Variants in MYO16 observed in about 807,000 individuals in gnomAD.
MYO16 encodes the protein myosin XVI, also known as unconventional myosin-XVI.
In MYO16, 94 loss-of-function variants were observed where a neutral mutation model predicts 205.3. The observed-to-expected ratio is 0.46, with a 90% confidence interval of 0.39 to 0.54. The LOEUF is 0.54. MYO16 is among the 20% of genes least tolerant of loss of function. The pLI is 0.00. For synonymous variants in MYO16, 988 were observed against 954.0 expected (o/e 1.04, Z -0.66); for missense variants, 2,315 against 2,387.5 (o/e 0.97, Z 0.63).
chr13:109,030,168 C>A (rs373252306), intron 23 of MYO16, among the ~76,000 whole-genome samples: 389 of 143,950 alleles, frequency 2.7e-3, no homozygotes, highest in South Asian at 4.1e-3. Context: ...AGAAGGAAAG[C>A]AAAAAAAAAA....
chr13:109,096,746 T>C (rs1566504226), intron 27 of MYO16, among the ~76,000 whole-genome samples: 1 of 140,176 alleles, frequency 7.1e-6, no homozygotes, highest in African/African-American at 2.7e-5. Flanking sequence ...CCCCTTACTC[T>C]GGGCGAGCTC....
At chr13:108,905,716 A>G (rs1005152697) in intron 15 of MYO16, among the ~76,000 whole-genome samples, 10 of 152,152 alleles carry the variant, frequency 6.6e-5, no homozygotes, top group African/African-American at 1.2e-4. Flanking sequence ...GGGTTAGGGG[A>G]TGGTTTCTTT....
intron 20 of MYO16, among the ~76,000 whole-genome samples, chr13:108,983,816 G>A (rs1884534619): frequency 6.6e-6 from 1 of 152,110 alleles, no homozygotes; most frequent in South Asian, 2.1e-4. Flanking sequence ...GAAATTGTGA[G>A]GAAGTGCCCA....
intron 1 of MYO16, among the ~76,000 whole-genome samples, chr13:108,653,804 T>C (rs541408264): frequency 2.0e-5 from 3 of 149,836 alleles, no homozygotes; most frequent in African/African-American, 4.9e-5. Flanking sequence ...TATGTGTGTA[T>C]ATATATATAT....
chr13:109,141,346 G>C lies in MYO16; in HGVS notation c.5134G>C (p.Ala1712Pro), dbSNP rs576329047. 1.9e-6 allele frequency: 3 copies of C among 1,548,238 alleles called. No individual in the cohort carries two copies. The highest frequency in any genetic ancestry group is 2.4e-5 in the South Asian group (2 of 83,180). Reference sequence around the variant, plus strand: ...GGGGAGGAGTGTGCTTCGGAAATCCGCGGCGGGAAGAAAAATCAGGGAAGC... The same window carrying C: ...GGGGAGGAGTGTGCTTCGGAAATCCCCGGCGGGAAGAAAAATCAGGGAAGC... ...NSGRSVLRKS[A>P]AGRKIREAEG... is the part of the protein sequence containing the mutation. The change falls in exon 32 of 35, where the codon GCG becomes CCG. Residue 1712 changes from alanine to proline, a missense_variant. This residue lies in a region of MYO16 where 1,097 missense variants were observed against 1,092.0 expected (regional missense o/e 1.00). Coordinates refer to ENST00000457511, the MANE Select transcript of MYO16 (RefSeq NM_001198950.3). The surrounding 1 kb of genome is among the most constrained non-coding windows in gnomAD (Gnocchi z 4.1).
At chr13:108,531,625 A>ATTT in the MYO16 span, among the ~76,000 whole-genome samples, 46 of 148,394 alleles carry the variant, frequency 3.1e-4, no homozygotes, top group South Asian at 6.4e-4. Flanking sequence ...ATGCTTTCTA[A>ATTT]TTTTTTTTTT....
Position 109,140,211 on chromosome 13 carries a change from G to T in MYO16, c.4052-53G>T. ...TCCGAGTCGAGCCCCGGGCTTGGTG[G>T]GCACCCGTGGGCCTGGCCTGGCACC... is the stretch of plus-strand genomic sequence containing the variant. On this transcript the variant is annotated intron_variant, in intron 31 of 34. Transcript: ENST00000457511. This position sits in a 1 kb window ranked among gnomAD's most constrained non-coding sequence, Gnocchi z 8.0. 1.9e-6 allele frequency: 3 copies of T among 1,580,910 alleles called. No homozygotes were observed. The highest frequency in any genetic ancestry group is 2.6e-6 in the Non-Finnish European group (3 of 1,171,710).
At chr13:108,595,763 C>A (rs541822638), upstream of MYO16, among the ~76,000 whole-genome samples, 2 of 152,052 alleles carry the variant, frequency 1.3e-5, no homozygotes, top group Admixed American at 1.3e-4. Context: ...TCTGTGTAAA[C>A]CTTTAACTTT....
At chr13:108,801,134 C>G (rs1886957648) in intron 6 of MYO16, among the ~76,000 whole-genome samples, 1 of 152,096 alleles carries the variant, frequency 6.6e-6, no homozygotes, top group Admixed American at 6.6e-5. Context: ...ATGCCGAGTT[C>G]ATAGAAATTA....
chr13:108,825,452 G>A (rs1876203731), intron 9 of MYO16, among the ~76,000 whole-genome samples: 1 of 151,804 alleles, frequency 6.6e-6, no homozygotes, highest in African/African-American at 2.4e-5. Flanking sequence ...AACAAAACAG[G>A]GCTAACGTCA....
intron 3 of MYO16, among the ~76,000 whole-genome samples, chr13:108,719,589 C>T (rs940050315): frequency 3.9e-5 from 6 of 152,118 alleles, no homozygotes; most frequent in African/African-American, 1.4e-4. Flanking sequence ...TAGCACAGCA[C>T]TGGGGGCATA....
intron 2 of MYO16, among the ~76,000 whole-genome samples, chr13:108,671,874 C>T (rs918967607): frequency 1.3e-5 from 2 of 152,090 alleles, no homozygotes; most frequent in African/African-American, 2.4e-5. Context: ...ATAAACTCAT[C>T]GAACCTAATT....
chr13:108,688,034 A>AGTTTG (rs1395547860), intron 2 of MYO16, among the ~76,000 whole-genome samples: 1 of 152,186 alleles, frequency 6.6e-6, no homozygotes. Context: ...TGAGTATCTG[A>AGTTTG]AGCATTTGCC....
intron 12 of MYO16, among the ~76,000 whole-genome samples, chr13:108,874,518 AT>A (rs1395845639): frequency 3.9e-5 from 6 of 152,014 alleles, no homozygotes; most frequent in African/African-American, 1.4e-4. Flanking sequence ...AAGAATTGTT[AT>A]TTCTATTCTG....
intron 6 of MYO16, among the ~76,000 whole-genome samples, chr13:108,795,306 C>A (rs1886752571): frequency 6.6e-6 from 1 of 151,724 alleles, no homozygotes; most frequent in Non-Finnish European, 1.5e-5. Context: ...ATTCTCGTGT[C>A]CAAGTGATTT....
the MYO16 span, among the ~76,000 whole-genome samples, chr13:108,544,066 C>CA: frequency 0.17 from 8,193 of 46,832 alleles, 369 homozygotes; most frequent in African/African-American, 0.29. Flanking sequence ...ACTCCGTCTC[C>CA]AAAAAAAAAA....
intron 2 of MYO16, among the ~76,000 whole-genome samples, chr13:108,697,988 G>A (rs530792087): frequency 6.6e-6 from 1 of 152,330 alleles, no homozygotes; most frequent in East Asian, 1.9e-4. Flanking sequence ...CTCCCAAAGT[G>A]CTGGGATTAC....
chr13:108,927,058 A>G (rs892815569), intron 16 of MYO16, among the ~76,000 whole-genome samples: 2 of 151,978 alleles, frequency 1.3e-5, no homozygotes, highest in South Asian at 2.1e-4. Flanking sequence ...GTCAAGAGCC[A>G]TGTCTTGGAT....
chr13:108,578,926 T>C, the MYO16 span, among the ~76,000 whole-genome samples: 2 of 149,322 alleles, frequency 1.3e-5, no homozygotes, highest in Non-Finnish European at 3.0e-5. Context: ...CATATATTTA[T>C]TATATAATAA....
Sources: allele counts gnomAD v4.1 joint callset (sites outside exome capture counted in the v4.1 genomes callset), GRCh38; gene constraint gnomAD v4.1.1; regional missense constraint gnomAD v4.1.1; non-coding constraint Gnocchi (gnomAD v3.1); transcripts MANE v1.5; gene names NCBI Gene and HGNC (gene_info 2026-07-23, HGNC 2026-07-21).